TMEM131: variants seen among roughly 807,000 people sequenced by gnomAD.
The protein encoded by TMEM131 is 2610524E03Rik.
A neutral mutation model predicts 211.6 loss-of-function variants in TMEM131; 66 were observed. The ratio of observed to expected loss-of-function variants is 0.31; its 90% CI spans 0.26 to 0.38. The LOEUF is 0.38. TMEM131 is among the 10% of genes least tolerant of loss of function. The pLI, the probability that TMEM131 is intolerant of heterozygous loss-of-function variation, is 1.00. For missense variants in TMEM131, 2,036 were observed against 2,299.3 expected (o/e 0.89, Z 2.34); for synonymous variants, 844 against 841.3 (o/e 1.00, Z -0.06).
At chr2:97,791,280 G>A (rs768539441) in intron 31 of TMEM131, among the ~76,000 whole-genome samples, 16 of 152,206 alleles carry the variant, frequency 1.1e-4, no homozygotes, top group Non-Finnish European at 1.5e-4. Context: ...ATGCCCTTGC[G>A]CGGTTCTCTC....
At chr2:97,770,273 G>A (rs1328801847) in intron 33 of TMEM131, among the ~76,000 whole-genome samples, 1 of 152,156 alleles carries the variant, frequency 6.6e-6, no homozygotes, top group Non-Finnish European at 1.5e-5. Context: ...AATGATTGAT[G>A]AACTAATAAA....
At chr2:97,881,480 T>C (rs1045151079) in intron 4 of TMEM131, among the ~76,000 whole-genome samples, 2 of 151,912 alleles carry the variant, frequency 1.3e-5, no homozygotes, top group African/African-American at 4.8e-5. Flanking sequence ...AGGGTTGCGA[T>C]TACAGGCGTG....
At chr2:97,793,300 C>A in intron 30 of TMEM131, 95 bp downstream of exon 30, 1 of 1,343,414 alleles carries the variant, frequency 7.4e-7, no homozygotes, top group Non-Finnish European at 1.0e-6. Flanking sequence ...TTTTTTTTCT[C>A]CTGAGCAAAG....
Position 97,995,694 on chromosome 2 carries a change from T to A in TMEM131, c.-32A>T, listed in dbSNP as rs1026240311. On this transcript the variant is annotated 5_prime_UTR_variant, in exon 1 of 41. Transcript: ENST00000186436. ...CGGCCGGGGGCCGCCGCGCTCGAGG[T>A]CCGGCGCGGCCCTTCTCGGCGAGGC... is the stretch of plus-strand genomic sequence containing the variant. The A allele has an allele frequency of 1.0e-5, 12 of 1,185,936 alleles. No homozygotes were observed. The African/African-American group carries it at 1.4e-4, about 14-fold the overall frequency. 73.5% of individuals were successfully genotyped at this position (1,185,936 alleles called of 1,614,324 possible).
intron 1 of TMEM131, among the ~76,000 whole-genome samples, chr2:97,945,907 G>A (rs2104513184): frequency 6.6e-6 from 1 of 152,226 alleles, no homozygotes; most frequent in Admixed American, 6.5e-5. Context: ...ATGCTAAGTT[G>A]GAAATACTGA....
intron 31 of TMEM131, among the ~76,000 whole-genome samples, chr2:97,781,116 G>C (rs1476303264): frequency 6.6e-6 from 1 of 152,174 alleles, no homozygotes; most frequent in Non-Finnish European, 1.5e-5. Context: ...TTCTCCCTGA[G>C]ATTGCCCCTT....
intron 4 of TMEM131, among the ~76,000 whole-genome samples, chr2:97,874,289 G>T (rs1674604578): frequency 6.6e-6 from 1 of 152,210 alleles, no homozygotes; most frequent in Non-Finnish European, 1.5e-5. Context: ...AACCAAGCTA[G>T]AAAACACTCT....
rs950424894 is a variant in TMEM131, at chr2:97,915,375, C to T, written c.250-6677G>A. On this transcript the variant is annotated intron_variant, in intron 2 of 40. Coordinates refer to ENST00000186436, the MANE Select transcript of TMEM131 (RefSeq NM_015348.2). ...TGGCTCTGTTGCCCAGGCTGGAGTG[C>T]AGCAGTGTGATCATGGCTCACTGCA... Among the ~76,000 whole-genome samples, 9 of 152,194 alleles carry T rather than the reference C, an allele frequency of 5.9e-5. No homozygotes were observed. In the East Asian group the frequency reaches 1.5e-3, roughly 26 times the overall value.
intron 4 of TMEM131, among the ~76,000 whole-genome samples, chr2:97,863,745 T>C (rs961564612): frequency 6.6e-6 from 1 of 152,144 alleles, no homozygotes; most frequent in African/African-American, 2.4e-5. Context: ...CAACAAATAC[T>C]GGCAAGGATA....
At chr2:97,949,416 A>G (rs1049030457) in intron 1 of TMEM131, among the ~76,000 whole-genome samples, 2 of 152,238 alleles carry the variant, frequency 1.3e-5, no homozygotes, top group East Asian at 1.9e-4. Context: ...ACACGTTCAC[A>G]CAATCTTCAC....
At chr2:97,853,357 G>A (rs113708096) in intron 5 of TMEM131, among the ~76,000 whole-genome samples, 3,682 of 151,112 alleles carry the variant, frequency 0.024, 159 homozygotes, top group African/African-American at 0.086. Flanking sequence ...CACTTTGGGA[G>A]GCTGAGGCGG....
At chr2:97,885,639 TCTG>T (rs1675124955) in intron 4 of TMEM131, among the ~76,000 whole-genome samples, 1 of 152,104 alleles carries the variant, frequency 6.6e-6, no homozygotes, top group Non-Finnish European at 1.5e-5. Flanking sequence ...TGCTGAGAAA[TCTG>T]CTGTTAGTTT....
chr2:97,805,285 G>C (rs1296512305), intron 21 of TMEM131, 80 bp from the exon 22 acceptor site: 2 of 1,557,986 alleles, frequency 1.3e-6, no homozygotes, highest in African/African-American at 1.4e-5. Flanking sequence ...AGTAACAAAA[G>C]ACAGCAATGT....
chr2:97,775,368 C>G (rs891961828), intron 32 of TMEM131, among the ~76,000 whole-genome samples: 1 of 152,130 alleles, frequency 6.6e-6, no homozygotes. Context: ...CCCTCCAGGG[C>G]GGTCACCACT....
At chr2:97,823,986 C>T (rs992310244) in intron 11 of TMEM131, among the ~76,000 whole-genome samples, 2 of 152,256 alleles carry the variant, frequency 1.3e-5, no homozygotes, top group South Asian at 2.1e-4. Context: ...GAGGAACAGG[C>T]CCAAAAGGAA....
At chr2:97,779,666 G>A (rs1679904593) in intron 31 of TMEM131, among the ~76,000 whole-genome samples, 1 of 152,170 alleles carries the variant, frequency 6.6e-6, no homozygotes. Context: ...TCTGCGGGTA[G>A]GCACAGCAAT....
At chr2:97,980,327 A>G (rs1679730809) in intron 1 of TMEM131, among the ~76,000 whole-genome samples, 1 of 152,240 alleles carries the variant, frequency 6.6e-6, no homozygotes, top group South Asian at 2.1e-4. Flanking sequence ...ATTTGTAAAC[A>G]GCATATTGGC....
rs35113797 is a variant in TMEM131, at chr2:97,852,161, C to CT, written c.483+7142dup. On this transcript the variant is annotated intron_variant, in intron 5 of 40. Coordinates refer to ENST00000186436, the MANE Select transcript of TMEM131 (RefSeq NM_015348.2). ...AAGAGCTAAGCAGCCACGGCATTCT[C>CT]TTTTTTTTTTTTTTTTTTTGAGATG... Among the ~76,000 whole-genome samples the CT allele has an allele frequency of 2.7e-3, 350 of 129,326 alleles. 4 individuals carry two copies. The highest frequency in any genetic ancestry group is 0.017 in the South Asian group (71 of 4,196). 84.8% of individuals were successfully genotyped at this position (129,326 alleles called of 152,430 possible). A position where few individuals can be genotyped will look rare whatever the true frequency, so the allele number is the denominator to read the frequency against.
At chr2:97,940,681 G>A (rs989609693) in intron 1 of TMEM131, among the ~76,000 whole-genome samples, 4 of 151,864 alleles carry the variant, frequency 2.6e-5, no homozygotes, top group South Asian at 2.1e-4. Flanking sequence ...GGTGGCAGGC[G>A]CCTGTTAGTA....
Sources: allele counts gnomAD v4.1 joint callset (sites outside exome capture counted in the v4.1 genomes callset), GRCh38; gene constraint gnomAD v4.1.1; transcripts MANE v1.5; gene names NCBI Gene and HGNC (gene_info 2026-07-23, HGNC 2026-07-21).